The following RHOT1 variants were observed in gnomAD, a reference collection of about 807,000 sequenced individuals.
The protein encoded by RHOT1 is ras homolog family member T1.
In RHOT1, 27 loss-of-function variants were observed where a neutral mutation model predicts 95.3. The ratio of observed to expected loss-of-function variants is 0.28; its 90% CI spans 0.21 to 0.39. The LOEUF (loss-of-function observed/expected upper bound fraction) is 0.39, where lower values mean the gene tolerates loss of function less well. RHOT1 is among the 10% of genes least tolerant of loss of function. The pLI, the probability that RHOT1 is intolerant of heterozygous loss-of-function variation, is 1.00. For synonymous variants in RHOT1, 227 were observed against 263.5 expected (o/e 0.86, Z 1.34); for missense variants, 578 against 786.7 (o/e 0.73, Z 3.17).
Position 32,211,237 on chromosome 17 carries a change from AG to A in RHOT1, c.1862+1del. ...KNKIFTAVLNRHVTQADLKSS... is the reference protein window; with the variant it reads ...KNKIFTAVLNXHVTQADLKSS... ...CAAAATCTTCACTGCAGTTCTTAAC[AG>A]GTTCTTAACTTTATTTACTGGGTAC... On this transcript the variant is annotated frameshift_variant and splice_region_variant, in exon 19 of 20. Transcript: ENST00000545287. LOFTEE classifies it high-confidence loss of function. The A allele has an allele frequency of 6.2e-7, 1 of 1,603,236 alleles. No homozygotes were observed. Among genetic ancestry groups the A allele is most frequent in the Non-Finnish European group, 8.5e-7 (1 of 1,172,572 alleles).
At position 32,182,835 on chromosome 17, in the gene RHOT1, C is replaced by G. The variant is rs1335519667; in HGVS notation, c.408C>G (p.Asn136Lys). ...SSMETILPIM[N>K]QYTEIETCVE... is the part of the protein sequence containing the mutation. The stretch of plus-strand genomic sequence containing the variant: ...TGGAGACCATCCTTCCTATTATGAA[C>G]CAGTATACAGAAATAGAAACCTGTG... The change falls in exon 7 of 20, where the codon AAC (asparagine) becomes AAG (lysine). Residue 136 changes from asparagine (N) to lysine (K), a missense_variant. This residue lies in a region of RHOT1 where 227 missense variants were observed against 316.0 expected (regional missense o/e 0.72). Transcript: ENST00000545287. 1.3e-6 allele frequency: 2 copies of G among 1,596,300 alleles called. No homozygotes were observed. The highest frequency in any genetic ancestry group is 2.7e-5 in the African/African-American group (2 of 74,346).
chr17:32,171,697 A>C (rs1317685514), intron 2 of RHOT1, among the ~76,000 whole-genome samples: 1 of 152,226 alleles, frequency 6.6e-6, no homozygotes, highest in African/African-American at 2.4e-5. Context: ...GTGAATCCCT[A>C]CTTGCCTTCT....
chr17:32,167,789 A>G (rs1333328854), intron 1 of RHOT1, among the ~76,000 whole-genome samples: 4 of 152,178 alleles, frequency 2.6e-5, no homozygotes, highest in Non-Finnish European at 5.9e-5. Context: ...AATACCAGCA[A>G]CTTGGGAGAC....
chr17:32,144,424 T>C (rs773135651), intron 1 of RHOT1, among the ~76,000 whole-genome samples: 10 of 152,146 alleles, frequency 6.6e-5, no homozygotes, highest in African/African-American at 1.2e-4. Flanking sequence ...GGCACACACC[T>C]GTAGTCCCAG....
chr17:32,203,032 C>T, intron 15 of RHOT1, 132 bp downstream of exon 15: 1 of 800,848 alleles, frequency 1.2e-6, no homozygotes, highest in South Asian at 1.6e-5. Context: ...CAAGTACAGT[C>T]TAAATGTAAC....
intron 1 of RHOT1, among the ~76,000 whole-genome samples, chr17:32,167,487 C>A (rs764660028): frequency 6.6e-6 from 1 of 152,062 alleles, no homozygotes; most frequent in African/African-American, 2.4e-5. Context: ...CCACAATGCC[C>A]GGTTAATTTT....
Position 32,202,532 on chromosome 17 carries a change from G to A in RHOT1, c.1202-238G>A, listed in dbSNP as rs111634271. ...TGATGAAATAAATGTTTGGTTACTC[G>A]AAATTCACATTCCAGTCAACTTTCA... On this transcript the variant is annotated intron_variant, in intron 14 of 19. Coordinates refer to ENST00000545287, the MANE Select transcript of RHOT1 (RefSeq NM_001033566.3). 7.7e-3 allele frequency among the ~76,000 whole-genome samples: 1,173 copies of A among 152,130 alleles called. 15 individuals are homozygous for A. Among genetic ancestry groups the A allele is most frequent in the African/African-American group, 0.025 (1,058 of 41,500 alleles).
intron 13 of RHOT1, 65 bp from the exon 14 acceptor site, chr17:32,200,891 G>A (rs2037265588): frequency 2.5e-6 from 3 of 1,219,700 alleles, no homozygotes; most frequent in Admixed American, 1.8e-5. Flanking sequence ...TTAGCTATTG[G>A]CTTTTTTTTC....
chr17:32,143,139 A>G (rs2030676969), intron 1 of RHOT1: 5 of 522,268 alleles, frequency 9.6e-6, no homozygotes, highest in Admixed American at 9.1e-5. Flanking sequence ...AGATTCCCTT[A>G]TCACTGCCAG....
chr17:32,207,128 C>T (rs1466830262), intron 17 of RHOT1, 99 bp downstream of exon 17: 1 of 1,148,938 alleles, frequency 8.7e-7, no homozygotes, highest in Admixed American at 2.5e-5. Context: ...GCAACAAAAT[C>T]ATGTGTATTT....
intron 1 of RHOT1, among the ~76,000 whole-genome samples, chr17:32,167,328 AT>A (rs34426273): frequency 0.047 from 6,811 of 143,954 alleles, 445 homozygotes; most frequent in African/African-American, 0.15. Context: ...ATTGAGCATA[AT>A]TTTTTTTTTT....
intron 1 of RHOT1, among the ~76,000 whole-genome samples, chr17:32,149,986 A>G (rs181748165): frequency 7.2e-5 from 11 of 152,164 alleles, no homozygotes; most frequent in East Asian, 3.9e-4. Context: ...CCTGGCCTCA[A>G]TTGATCCACG....
At chr17:32,186,530 AT>A (rs1285437487) in intron 8 of RHOT1, among the ~76,000 whole-genome samples, 3 of 151,314 alleles carry the variant, frequency 2.0e-5, no homozygotes, top group Non-Finnish European at 4.4e-5. Context: ...CGCCCGGCTA[AT>A]TTTTTTTGTA....
intron 7 of RHOT1, 62 bp downstream of exon 7, chr17:32,182,927 T>C: frequency 1.9e-6 from 2 of 1,051,286 alleles, no homozygotes; most frequent in South Asian, 2.9e-5. Context: ...ATTCGGGTTT[T>C]AAATAGGGGG....
At chr17:32,211,414 A>G (rs994804029) in intron 19 of RHOT1, 176 bp downstream of exon 19, 1 of 463,210 alleles carries the variant, frequency 2.2e-6, no homozygotes, top group South Asian at 7.2e-5. Flanking sequence ...ATCCTTAATA[A>G]TGTTTTTAAA....
At chr17:32,148,165 C>T (rs1246993088) in intron 1 of RHOT1, among the ~76,000 whole-genome samples, 5 of 151,894 alleles carry the variant, frequency 3.3e-5, no homozygotes, top group Non-Finnish European at 5.9e-5. Context: ...CTCGGGAGGC[C>T]GAGCCAGAAG....
At chr17:32,162,754 C>T (rs1342338475) in intron 1 of RHOT1, among the ~76,000 whole-genome samples, 1 of 152,118 alleles carries the variant, frequency 6.6e-6, no homozygotes, top group African/African-American at 2.4e-5. Context: ...TAGATTCATA[C>T]ATATTAAGTA....
chr17:32,144,886 G>C (rs983167213), intron 1 of RHOT1, among the ~76,000 whole-genome samples: 7 of 151,994 alleles, frequency 4.6e-5, no homozygotes, highest in African/African-American at 1.4e-4. Flanking sequence ...CTAGCTACTG[G>C]GGAGGCTGAG....
chr17:32,161,048 C>G (rs985883177), intron 1 of RHOT1, among the ~76,000 whole-genome samples: 3 of 152,184 alleles, frequency 2.0e-5, no homozygotes, highest in Admixed American at 6.5e-5. Context: ...CTGCCTGCTA[C>G]ACAGACAGAC....
Sources: gnomAD v4.1 joint callset for allele counts (sites outside exome capture counted in the v4.1 genomes callset) on GRCh38, gnomAD v4.1.1 for gene constraint, gnomAD v4.1.1 regional missense constraint, MANE v1.5 for transcripts, NCBI Gene and HGNC (gene_info 2026-07-23, HGNC 2026-07-21) for gene names.